LDB3: variants seen among roughly 807,000 people sequenced by gnomAD.
The protein encoded by LDB3 is LIM domain-binding protein 3.
In LDB3, 49 loss-of-function variants were observed where a neutral mutation model predicts 69.0. The observed-to-expected ratio is 0.71, with a 90% CI of 0.56 to 0.90. LDB3 has a LOEUF of 0.90. Among genes scored for constraint, LDB3 ranks in the 40% least tolerant of loss-of-function variants. LDB3 has a pLI of 0.00. For missense variants in LDB3, 928 were observed against 974.1 expected (o/e 0.95, Z 0.63); for synonymous variants, 387 against 396.2 (o/e 0.98, Z 0.28).
intron 11 of LDB3, 31 bp downstream of exon 11, chr10:86,718,175 C>T (rs1160524090): frequency 7.5e-6 from 12 of 1,600,972 alleles, no homozygotes; most frequent in Non-Finnish European, 9.4e-6. Flanking sequence ...TCCTCTGACC[C>T]ATGTCTCTTC....
At chr10:86,732,009 C>CTTTTTTTTTT (rs1323088769) in intron 13 of LDB3, among the ~76,000 whole-genome samples, 1 of 91,046 alleles carries the variant, frequency 1.1e-5, no homozygotes, top group Non-Finnish European at 2.5e-5. Context: ...CTTTCTTTTT[C>CTTTTTTTTTT]TTTTTTTTTT....
At chr10:86,678,889 C>T (rs1422612387) in intron 2 of LDB3, among the ~76,000 whole-genome samples, 2 of 152,168 alleles carry the variant, frequency 1.3e-5, no homozygotes, top group African/African-American at 4.8e-5. Context: ...ATTCTCCTAC[C>T]TCAGCCTCCC....
intron 2 of LDB3, among the ~76,000 whole-genome samples, chr10:86,678,226 AT>A (rs1844910258): frequency 6.6e-6 from 1 of 151,170 alleles, no homozygotes; most frequent in Admixed American, 6.6e-5. Context: ...TTTTTTTGTA[AT>A]TTTGGTACAG....
chr10:86,716,749 G>T lies in LDB3; in HGVS notation c.1654G>T (p.Gly552Cys), dbSNP rs771007816. The T allele has an allele frequency of 1.2e-6, 2 of 1,611,558 alleles. No individual in the cohort carries two copies. Among genetic ancestry groups the T allele is most frequent in the Non-Finnish European group, 1.7e-6 (2 of 1,179,176 alleles). Residue 552 changes from glycine (G) to cysteine (C), a missense_variant, in exon 10 of 14, where the codon GGT (glycine) becomes TGT (cysteine). By Grantham distance (159) the Gly-to-Cys change is radical. Transcript: ENST00000361373. ...FPASSRTPLCGHCNNVIRGPF... is the reference protein window; with the variant it reads ...FPASSRTPLCCHCNNVIRGPF... ...AGCCAGCAGCCGGACTCCACTCTGCGGTCACTGCAACAATGTCATCCGGTA... is the reference window on the plus strand; with the variant it reads ...AGCCAGCAGCCGGACTCCACTCTGCTGTCACTGCAACAATGTCATCCGGTA...
chr10:86,720,741 A>G (rs1293129393), intron 12 of LDB3, among the ~76,000 whole-genome samples: 1 of 152,214 alleles, frequency 6.6e-6, no homozygotes, highest in Non-Finnish European at 1.5e-5. Context: ...AGGCTTTTGA[A>G]AGAATGATAG....
intron 13 of LDB3, among the ~76,000 whole-genome samples, chr10:86,732,002 TC>T (rs1426170461): frequency 1.3e-4 from 19 of 142,258 alleles, no homozygotes; most frequent in African/African-American, 4.2e-4. Flanking sequence ...TTTCTTTCTT[TC>T]TTTTTCTTTT....
intron 9 of LDB3, among the ~76,000 whole-genome samples, chr10:86,711,603 G>GA (rs1226703671): frequency 2.0e-5 from 3 of 152,032 alleles, no homozygotes; most frequent in Admixed American, 2.0e-4. Flanking sequence ...CCGGGCGTCA[G>GA]AGAGGGCGGG....
At chr10:86,706,807 C>A in intron 8 of LDB3, 88 bp downstream of exon 8, 1 of 1,428,854 alleles carries the variant, frequency 7.0e-7, no homozygotes, top group Non-Finnish European at 9.5e-7. Context: ...CAGCTGTGTC[C>A]AAGGTAGTTA....
intron 5 of LDB3, among the ~76,000 whole-genome samples, chr10:86,690,988 C>G (rs1419192548): frequency 1.3e-5 from 2 of 152,206 alleles, no homozygotes; most frequent in Admixed American, 1.3e-4. Context: ...CCTGAGCCCT[C>G]CCAGGCCTCT....
At chr10:86,676,120 G>A (rs994364174) in intron 2 of LDB3, among the ~76,000 whole-genome samples, 8 of 152,242 alleles carry the variant, frequency 5.3e-5, no homozygotes, top group African/African-American at 1.7e-4. Context: ...ATGCCCCTGC[G>A]GGGCCTGGAG....
chr10:86,690,231 C>T (rs558599394), intron 5 of LDB3, among the ~76,000 whole-genome samples: 65 of 152,308 alleles, frequency 4.3e-4, no homozygotes, highest in African/African-American at 1.2e-3. Flanking sequence ...CACACTCCCT[C>T]CTTCCCTCCC....
Position 86,687,129 on chromosome 10 carries a change from C to A in LDB3, c.690-4767C>A, listed in dbSNP as rs928294708. 3 of 1,614,122 alleles carry A rather than the reference C, an allele frequency of 1.9e-6. No individual in the cohort carries two copies. In the African/African-American group the frequency reaches 4.0e-5, roughly 22 times the overall value. ...TGAAGGACTCGGCCCTGTCCACCCA[C>A]AAGCCCATCGAGGTGAAGGGGCTGG... is the stretch of plus-strand genomic sequence containing the variant. On this transcript the variant is annotated intron_variant, in intron 5 of 13. Coordinates refer to ENST00000361373, the MANE Select transcript of LDB3 (RefSeq NM_007078.3).
Position 86,718,015 on chromosome 10 carries a change from C to T in LDB3, c.1728C>T (p.Thr576=), listed in dbSNP as rs749988944. The part of the protein sequence containing the change: ...MGRSWHPEEF[T]CAYCKTSLAD... ...GTTCTTGGCACCCTGAAGAGTTCAC[C>T]TGTGCCTACTGCAAGACTTCCCTGG... Residue 576 remains threonine (T), a synonymous_variant, in exon 11 of 14, where the codon ACC becomes ACT. Coordinates refer to ENST00000361373, the MANE Select transcript of LDB3 (RefSeq NM_007078.3). 6.8e-6 allele frequency: 11 copies of T among 1,614,102 alleles called. No individual in the cohort carries two copies. The African/African-American group carries it at 1.5e-4, about 22-fold the overall frequency.
rs7921989 is a variant in LDB3, at chr10:86,728,565, A to G, written c.2094+2313A>G. The stretch of plus-strand genomic sequence containing the variant: ...ACTCACTGCTCTGTCAACATATAGC[A>G]AAGTGGAACATGGTTCTTTTGTTTT... On this transcript the variant is annotated intron_variant, in intron 13 of 13. Coordinates refer to ENST00000361373, the MANE Select transcript of LDB3 (RefSeq NM_007078.3). Among the ~76,000 whole-genome samples, 523 of 142,308 alleles carry G rather than the reference A, an allele frequency of 3.7e-3. 4 individuals carry two copies. Among genetic ancestry groups the G allele is most frequent in the African/African-American group, 0.013 (499 of 38,220 alleles). The allele number at this position is 142,308 out of a possible 152,430, so 93.4% of individuals were successfully genotyped here. A position where few individuals can be genotyped will look rare whatever the true frequency, so the allele number is the denominator to read the frequency against.
At chr10:86,689,114 C>T (rs1423579728) in intron 5 of LDB3, among the ~76,000 whole-genome samples, 1 of 152,146 alleles carries the variant, frequency 6.6e-6, no homozygotes, top group Non-Finnish European at 1.5e-5. Flanking sequence ...CCTCAATGAC[C>T]GTGTTTTTTC....
Position 86,726,819 on chromosome 10 carries a change from T to C in LDB3, c.2094+567T>C, listed in dbSNP as rs1847273024. Reference sequence around the variant, plus strand: ...GATAAGCCCTGGATTAACTATTAACTGTGTGCTACTTATTTCTGCTGAACA... The same window carrying C: ...GATAAGCCCTGGATTAACTATTAACCGTGTGCTACTTATTTCTGCTGAACA... On this transcript the variant is annotated intron_variant, in intron 13 of 13. Transcript: ENST00000361373. Among the ~76,000 whole-genome samples the C allele has an allele frequency of 2.6e-5, 4 of 152,286 alleles. No homozygotes were observed. In the South Asian group the frequency reaches 8.3e-4, roughly 32 times the overall value.
chr10:86,684,050 C>T (rs898245973), intron 5 of LDB3, among the ~76,000 whole-genome samples: 1 of 152,244 alleles, frequency 6.6e-6, no homozygotes, highest in African/African-American at 2.4e-5. Context: ...CTACTCTCTC[C>T]TCTGGGCAAC....
At chr10:86,716,892 C>T in intron 10 of LDB3, 121 bp downstream of exon 10, 1 of 1,099,862 alleles carries the variant, frequency 9.1e-7, no homozygotes, top group South Asian at 1.4e-5. Flanking sequence ...GGGAGAAAGC[C>T]TCGGGTCCTT....
In LDB3 at chr10:86,681,644, CCCGGGA is replaced by C. The variant is rs1845141789; in HGVS notation, c.533_538del (p.Arg178_Asp179del). Reference sequence around the variant, plus strand: ...AGGGCCAAGACCAGCCCAGAGGGGGCCCGGGACCTACTCGGCCCAAAAGCCCTGCCG... The same window carrying C: ...AGGGCCAAGACCAGCCCAGAGGGGGCCCTACTCGGCCCAAAAGCCCTGCCG... On this transcript the variant is annotated inframe_deletion, in exon 5 of 14. Coordinates refer to ENST00000361373, the MANE Select transcript of LDB3 (RefSeq NM_007078.3). The C allele has an allele frequency of 1.2e-6, 2 of 1,613,094 alleles. No individual in the cohort carries two copies. The highest frequency in any genetic ancestry group is 1.7e-6 in the Non-Finnish European group (2 of 1,179,830).
Sources: allele counts gnomAD v4.1 joint callset (sites outside exome capture counted in the v4.1 genomes callset), GRCh38; gene constraint gnomAD v4.1.1; transcripts MANE v1.5; gene names NCBI Gene and HGNC (gene_info 2026-07-23, HGNC 2026-07-21).